FHOD3: variants seen among roughly 807,000 people sequenced by gnomAD.
FHOD3 encodes FH1/FH2 domain-containing protein 3.
FHOD3 carries 90 observed loss-of-function variants against 173.0 expected under a neutral mutation model. That is an observed-to-expected ratio of 0.52 (90% CI 0.44 to 0.62). The LOEUF (loss-of-function observed/expected upper bound fraction) is 0.62. FHOD3 is among the 20% of genes least tolerant of loss of function. FHOD3 has a pLI of 0.00. For synonymous variants in FHOD3, 828 were observed against 823.0 expected, an observed-to-expected ratio of 1.01 and a Z score of -0.10; for missense variants, 1,945 against 2,034.7, an observed-to-expected ratio of 0.96 and a Z score of 0.85.
chr18:36,308,856 T>C (rs902943585), intron 1 of FHOD3, among the ~76,000 whole-genome samples: 4 of 152,200 alleles, frequency 2.6e-5, no homozygotes, highest in Non-Finnish European at 5.9e-5. Context: ...TAGGAAAGTG[T>C]CTGTAGGGTG....
At chr18:36,592,755 G>A (rs2059266863) in intron 6 of FHOD3, among the ~76,000 whole-genome samples, 1 of 152,200 alleles carries the variant, frequency 6.6e-6, no homozygotes, top group Non-Finnish European at 1.5e-5. Flanking sequence ...TTTGTCCTAA[G>A]GTGGGGGCTT....
chr18:36,372,548 A>G (rs2047242649), intron 2 of FHOD3, 132 bp from the exon 3 acceptor site: 6 of 611,226 alleles, frequency 9.8e-6, no homozygotes, highest in Non-Finnish European at 1.7e-5. Context: ...ATAGATTCTT[A>G]TTCAGTGTGG....
intron 7 of FHOD3, among the ~76,000 whole-genome samples, chr18:36,602,102 C>T (rs1364885855): frequency 5.9e-5 from 9 of 152,206 alleles, no homozygotes; most frequent in Non-Finnish European, 8.8e-5. Context: ...CCTAGCTGCT[C>T]CATTAGATTA....
chr18:36,534,242 A>T (rs2146941050), intron 5 of FHOD3, among the ~76,000 whole-genome samples: 1 of 152,290 alleles, frequency 6.6e-6, no homozygotes, highest in East Asian at 1.9e-4. Context: ...GCATAAAACC[A>T]CAGCTAAGTC....
intron 9 of FHOD3, among the ~76,000 whole-genome samples, chr18:36,619,816 G>A (rs992969046): frequency 6.6e-6 from 1 of 152,246 alleles, no homozygotes; most frequent in Admixed American, 6.5e-5. Context: ...ACGGTATGAG[G>A]TGGGGGCCAG....
At chr18:36,316,511 A>G (rs1195744709) in intron 1 of FHOD3, among the ~76,000 whole-genome samples, 2 of 152,200 alleles carry the variant, frequency 1.3e-5, no homozygotes, top group Non-Finnish European at 1.5e-5. Flanking sequence ...AGCTGTCTAT[A>G]TATATTCCAA....
intron 3 of FHOD3, among the ~76,000 whole-genome samples, chr18:36,419,586 A>G (rs1479693648): frequency 6.6e-6 from 1 of 152,206 alleles, no homozygotes; most frequent in Non-Finnish European, 1.5e-5. Context: ...TGTAATTTTT[A>G]GGTTTACTGT....
intron 20 of FHOD3, among the ~76,000 whole-genome samples, chr18:36,738,116 A>C (rs961734929): frequency 6.6e-6 from 1 of 152,202 alleles, no homozygotes; most frequent in African/African-American, 2.4e-5. Flanking sequence ...TCTTTCACTC[A>C]TCATGATGCC....
chr18:36,420,136 C>T (rs968323612), intron 3 of FHOD3, among the ~76,000 whole-genome samples: 1 of 152,162 alleles, frequency 6.6e-6, no homozygotes, highest in Non-Finnish European at 1.5e-5. Flanking sequence ...CTGGGCATTC[C>T]TTACAGTTGT....
intron 3 of FHOD3, among the ~76,000 whole-genome samples, chr18:36,454,846 C>T (rs2144489752): frequency 6.6e-6 from 1 of 152,244 alleles, no homozygotes; most frequent in South Asian, 2.1e-4. Context: ...ATTCAGCTGC[C>T]ACCTACACCC....
At chr18:36,461,838 G>C (rs760226439) in intron 3 of FHOD3, among the ~76,000 whole-genome samples, 1 of 152,194 alleles carries the variant, frequency 6.6e-6, no homozygotes, top group Non-Finnish European at 1.5e-5. Flanking sequence ...GTAGTGGAAA[G>C]AGTATGGCAC....
At chr18:36,324,027 T>C (rs1219313592) in intron 1 of FHOD3, among the ~76,000 whole-genome samples, 1 of 152,234 alleles carries the variant, frequency 6.6e-6, no homozygotes, top group East Asian at 1.9e-4. Context: ...GATTCATAAG[T>C]AGCAAAGGCT....
At chr18:36,559,306 C>T (rs1245641595) in intron 5 of FHOD3, among the ~76,000 whole-genome samples, 1 of 152,176 alleles carries the variant, frequency 6.6e-6, no homozygotes, top group African/African-American at 2.4e-5. Flanking sequence ...AGAGTCCTCT[C>T]TGCGGCTGCT....
At chr18:36,320,866 AC>A (rs2044359058) in intron 1 of FHOD3, among the ~76,000 whole-genome samples, 1 of 152,218 alleles carries the variant, frequency 6.6e-6, no homozygotes, top group East Asian at 1.9e-4. Flanking sequence ...GAGAAATAAC[AC>A]TGAAGAAAAC....
rs1206328492 is a variant in FHOD3, at chr18:36,297,757, C to G, written c.-79C>G. On this transcript the variant is annotated 5_prime_UTR_variant, in exon 1 of 29. Transcript: ENST00000590592. ...CCAGCGAGCTGCGGCTGCGGCCTCCCCTGCGCGCAGCTACCCGGGCGTCCC... is the reference window on the plus strand; with the variant it reads ...CCAGCGAGCTGCGGCTGCGGCCTCCGCTGCGCGCAGCTACCCGGGCGTCCC... 3.9e-6 allele frequency: 5 copies of G among 1,276,988 alleles called. No homozygotes were observed. The African/African-American group carries it at 4.7e-5, about 12-fold the overall frequency. 79.1% of individuals were successfully genotyped at this position (1,276,988 alleles called of 1,614,324 possible). A position where few individuals can be genotyped will look rare whatever the true frequency, so the allele number is the denominator to read the frequency against.
chr18:36,546,970 C>T (rs1167100946), intron 5 of FHOD3, among the ~76,000 whole-genome samples: 1 of 152,220 alleles, frequency 6.6e-6, no homozygotes, highest in Non-Finnish European at 1.5e-5. Context: ...GTGCCCATGA[C>T]ATTTGGCTTC....
At chr18:36,698,203 G>A (rs1239773702) in intron 17 of FHOD3, among the ~76,000 whole-genome samples, 1 of 152,104 alleles carries the variant, frequency 6.6e-6, no homozygotes, top group Admixed American at 6.6e-5. Flanking sequence ...TTGTCAATTG[G>A]ACAAAATCTT....
intron 14 of FHOD3, among the ~76,000 whole-genome samples, chr18:36,681,031 T>C (rs2038202749): frequency 6.6e-6 from 1 of 152,206 alleles, no homozygotes; most frequent in Non-Finnish European, 1.5e-5. Context: ...ATAATGAATG[T>C]ATTACCTGAT....
At chr18:36,597,784 C>G (rs1448212128) in intron 7 of FHOD3, among the ~76,000 whole-genome samples, 4 of 149,144 alleles carry the variant, frequency 2.7e-5, no homozygotes, top group Admixed American at 6.7e-5. Context: ...TGTTGTCTGT[C>G]TGCTGCTGAG....
Sources: allele counts gnomAD v4.1 joint callset (sites outside exome capture counted in the v4.1 genomes callset), GRCh38; gene constraint gnomAD v4.1.1; transcripts MANE v1.5; gene names NCBI Gene and HGNC (gene_info 2026-07-23, HGNC 2026-07-21).